The following NKAIN3 variants were observed in gnomAD, a reference collection of about 807,000 sequenced individuals.
NKAIN3 encodes sodium/potassium transporting ATPase interacting 3.
In NKAIN3, 25 loss-of-function variants were observed where a neutral mutation model predicts 30.2. The ratio of observed to expected loss-of-function variants is 0.83; its 90% CI spans 0.60 to 1.16. The LOEUF is 1.16. Ranked by LOEUF, NKAIN3 falls within the 50% of genes most tolerant of loss-of-function variation. NKAIN3 has a pLI of 0.00. For synonymous variants in NKAIN3, 91 were observed against 89.6 expected (o/e 1.02, Z -0.09); for missense variants, 225 against 254.1 (o/e 0.89, Z 0.78).
intron 1 of NKAIN3, among the ~76,000 whole-genome samples, chr8:62,541,946 G>T (rs1313489540): frequency 6.6e-6 from 1 of 152,132 alleles, no homozygotes; most frequent in Non-Finnish European, 1.5e-5. Context: ...TGACATTTAA[G>T]AGTGAGTTAA....
At chr8:62,365,220 G>T (rs530395495) in intron 1 of NKAIN3, among the ~76,000 whole-genome samples, 1 of 152,218 alleles carries the variant, frequency 6.6e-6, no homozygotes, top group Admixed American at 6.5e-5. Flanking sequence ...ATACAGAAAA[G>T]TATAGAGCAA....
intron 3 of NKAIN3, among the ~76,000 whole-genome samples, chr8:62,608,116 C>G (rs1282097338): frequency 1.3e-5 from 2 of 151,942 alleles, no homozygotes; most frequent in African/African-American, 2.4e-5. Flanking sequence ...CATATACTTT[C>G]TTTCTTCTTC....
At chr8:62,733,056 T>C (rs1815531669) in intron 3 of NKAIN3, among the ~76,000 whole-genome samples, 1 of 152,126 alleles carries the variant, frequency 6.6e-6, no homozygotes, top group African/African-American at 2.4e-5. Context: ...TCATTTATTC[T>C]CTACTACTTC....
intron 3 of NKAIN3, among the ~76,000 whole-genome samples, chr8:62,660,768 A>T (rs1812919815): frequency 6.6e-6 from 1 of 152,228 alleles, no homozygotes; most frequent in Admixed American, 6.5e-5. Flanking sequence ...ACTAAAACAC[A>T]CTGAGAAACC....
At chr8:62,832,359 A>G (rs1372651214) in intron 4 of NKAIN3, among the ~76,000 whole-genome samples, 4 of 151,736 alleles carry the variant, frequency 2.6e-5, no homozygotes, top group Non-Finnish European at 5.9e-5. Context: ...AGAAACTACA[A>G]ACAGTGAACA....
intron 4 of NKAIN3, among the ~76,000 whole-genome samples, chr8:62,900,882 G>A (rs761402370): frequency 1.1e-4 from 16 of 152,120 alleles, no homozygotes; most frequent in Non-Finnish European, 4.4e-5. Context: ...ACTGTGAGGT[G>A]AGTGTTGGAA....
intron 1 of NKAIN3, among the ~76,000 whole-genome samples, chr8:62,419,810 C>T (rs904311057): frequency 9.2e-5 from 14 of 152,100 alleles, no homozygotes; most frequent in African/African-American, 1.7e-4. Context: ...TAATATGTGA[C>T]GCAAAGATTA....
At chr8:62,721,854 C>T (rs1815103448) in intron 3 of NKAIN3, among the ~76,000 whole-genome samples, 1 of 152,146 alleles carries the variant, frequency 6.6e-6, no homozygotes, top group African/African-American at 2.4e-5. Context: ...GTTGTCACTT[C>T]AGACACCTTG....
chr8:62,731,280 C>A (rs1194281849), intron 3 of NKAIN3, among the ~76,000 whole-genome samples: 1 of 149,410 alleles, frequency 6.7e-6, no homozygotes, highest in Admixed American at 6.7e-5. Flanking sequence ...CACACCCTTC[C>A]TTCTATACAA....
chr8:62,991,961 G>T lies in NKAIN3; in HGVS notation c.533-7270G>T, dbSNP rs1051594359. ...TGGAGTTGAGGTGCCACTGAGACCCGGGGCCCATACCCAGCACTGCTCCCC... is the reference window on the plus strand; with the variant it reads ...TGGAGTTGAGGTGCCACTGAGACCCTGGGCCCATACCCAGCACTGCTCCCC... On this transcript the variant is annotated intron_variant, in intron 5 of 5. Coordinates refer to the NKAIN3 transcript ENST00000519049. Among the ~76,000 whole-genome samples the T allele has an allele frequency of 4.0e-5, 6 of 150,246 alleles. No individual in the cohort carries two copies. The East Asian group carries it at 1.2e-3, about 29-fold the overall frequency.
chr8:62,424,892 C>T (rs1035576690), intron 1 of NKAIN3, among the ~76,000 whole-genome samples: 1 of 151,800 alleles, frequency 6.6e-6, no homozygotes, highest in Non-Finnish European at 1.5e-5. Context: ...ATCTAAATGT[C>T]CACTGACAGA....
intron 4 of NKAIN3, among the ~76,000 whole-genome samples, chr8:62,879,706 A>G (rs1469810719): frequency 6.6e-6 from 1 of 152,178 alleles, no homozygotes; most frequent in East Asian, 1.9e-4. Context: ...CCCACCTAAC[A>G]GAGGGACTGT....
At chr8:62,448,470 G>T (rs1175899481) in intron 1 of NKAIN3, among the ~76,000 whole-genome samples, 1 of 90,128 alleles carries the variant, frequency 1.1e-5, no homozygotes, top group Non-Finnish European at 2.7e-5. Flanking sequence ...AGAGCTTCTA[G>T]AAAATCCAAA....
At chr8:62,856,442 T>C (rs772045122) in intron 4 of NKAIN3, 16 of 789,772 alleles carry the variant, frequency 2.0e-5, no homozygotes, top group Non-Finnish European at 3.2e-5. Context: ...GTGATATCTC[T>C]ATAGAATAAG....
At chr8:62,851,146 T>G (rs1221249405) in intron 4 of NKAIN3, among the ~76,000 whole-genome samples, 4 of 152,126 alleles carry the variant, frequency 2.6e-5, no homozygotes, top group African/African-American at 9.7e-5. Flanking sequence ...CAGTGGTTTG[T>G]AGTTCTCCTT....
intron 1 of NKAIN3, among the ~76,000 whole-genome samples, chr8:62,407,580 G>T (rs1804114310): frequency 6.6e-6 from 1 of 151,796 alleles, no homozygotes. Context: ...TGTAATTTTT[G>T]TAATTTTGTA....
chr8:62,533,260 G>C (rs1808542235), intron 1 of NKAIN3, among the ~76,000 whole-genome samples: 1 of 152,114 alleles, frequency 6.6e-6, no homozygotes, highest in Non-Finnish European at 1.5e-5. Context: ...TATCTCGAGG[G>C]GACACATGTA....
intron 4 of NKAIN3, among the ~76,000 whole-genome samples, chr8:62,803,045 A>G (rs1260559138): frequency 2.0e-5 from 3 of 152,184 alleles, no homozygotes; most frequent in Admixed American, 6.5e-5. Flanking sequence ...AAAGGGATCA[A>G]TTCAACAAGA....
At chr8:62,557,680 T>C (rs931878655) in intron 1 of NKAIN3, among the ~76,000 whole-genome samples, 2 of 152,176 alleles carry the variant, frequency 1.3e-5, no homozygotes, top group African/African-American at 2.4e-5. Context: ...AGTTTTCATA[T>C]GTTTGTTGAC....
Sources: allele counts gnomAD v4.1 joint callset (sites outside exome capture counted in the v4.1 genomes callset), GRCh38; gene constraint gnomAD v4.1.1; transcripts MANE v1.5; gene names NCBI Gene and HGNC (gene_info 2026-07-23, HGNC 2026-07-21).